DNER: variants seen among roughly 807,000 people sequenced by gnomAD.
DNER encodes the protein delta/notch like EGF repeat containing, also known as delta and Notch-like epidermal growth factor-related receptor.
DNER carries 33 observed loss-of-function variants against 78.2 expected under a neutral mutation model. The ratio of observed to expected loss-of-function variants is 0.42; its 90% confidence interval spans 0.32 to 0.56. The LOEUF is 0.56. Among genes scored for constraint, DNER ranks in the 20% least tolerant of loss-of-function variants. DNER has a pLI of 0.11. For missense variants in DNER, 918 were observed against 975.3 expected (o/e 0.94, Z 0.78); for synonymous variants, 417 against 384.8 (o/e 1.08, Z -0.98).
intron 11 of DNER, among the ~76,000 whole-genome samples, chr2:229,367,824 A>G (rs1386513365): frequency 3.3e-5 from 5 of 152,186 alleles, no homozygotes; most frequent in Admixed American, 6.5e-5. Flanking sequence ...ACTAATTAGC[A>G]TATGCTCTGA....
chr2:229,456,773 G>A (rs1159204368), intron 7 of DNER, among the ~76,000 whole-genome samples: 1 of 151,920 alleles, frequency 6.6e-6, no homozygotes, highest in East Asian at 1.9e-4. Context: ...GATGATGACC[G>A]AGTTTTTCCT....
Position 229,630,454 on chromosome 2 carries a change from C to T in DNER, c.277-38566G>A, listed in dbSNP as rs532019117. 2.2e-4 allele frequency among the ~76,000 whole-genome samples: 33 copies of T among 149,388 alleles called. No homozygotes were observed. In the South Asian group the frequency reaches 4.9e-3, roughly 22 times the overall value. ...TGGTGTCACTGCACCCCAGCCTGGGCGACAGAGTGAGAGACTCCATCTCAA... is the reference window on the plus strand; with the variant it reads ...TGGTGTCACTGCACCCCAGCCTGGGTGACAGAGTGAGAGACTCCATCTCAA... On this transcript the variant is annotated intron_variant, in intron 1 of 12. Transcript: ENST00000341772.
chr2:229,658,130 G>T (rs1574946441), intron 1 of DNER, among the ~76,000 whole-genome samples: 2 of 152,288 alleles, frequency 1.3e-5, no homozygotes, highest in South Asian at 2.1e-4. Flanking sequence ...GGGAGTCGGG[G>T]TCATATTACC....
chr2:229,453,920 TAAAAAAAA>T (rs10602558), intron 7 of DNER, among the ~76,000 whole-genome samples: 1 of 106,864 alleles, frequency 9.4e-6, no homozygotes. Flanking sequence ...TAAAATATAT[TAAAAAAAA>T]AAAAAAAAAA....
rs1478831313 is a variant in DNER, at chr2:229,586,578, G to A, written c.681-554C>T. 13 of 501,252 alleles carry A rather than the reference G, an allele frequency of 2.6e-5. No homozygotes were observed. The African/African-American group carries it at 3.0e-4, about 12-fold the overall frequency. 31.1% of individuals were successfully genotyped at this position (501,252 alleles called of 1,614,324 possible). The stretch of plus-strand genomic sequence containing the variant: ...CACAAAACCACCCCACAGAGAATAG[G>A]ATGTCACAGAAAGCCCATCAACCCC... On this transcript the variant is annotated intron_variant, in intron 3 of 12. Coordinates refer to ENST00000341772, the MANE Select transcript of DNER (RefSeq NM_139072.4).
At chr2:229,628,638 A>C (rs888178) in intron 1 of DNER, among the ~76,000 whole-genome samples, 134,578 of 152,148 alleles carry the variant, frequency 0.88, 59,762 homozygotes, top group East Asian at 0.98. Context: ...TGGTGGAATG[A>C]AGGATGATCC....
At chr2:229,420,773 T>G (rs1049055783) in intron 8 of DNER, among the ~76,000 whole-genome samples, 3 of 151,960 alleles carry the variant, frequency 2.0e-5, no homozygotes, top group African/African-American at 7.3e-5. Flanking sequence ...AAATAACAAG[T>G]GTTGGGGCAG....
chr2:229,667,782 G>C (rs925861678), intron 1 of DNER, among the ~76,000 whole-genome samples: 1 of 152,148 alleles, frequency 6.6e-6, no homozygotes, highest in Non-Finnish European at 1.5e-5. Context: ...TGATTAAAAA[G>C]ATAAAATTTT....
chr2:229,511,638 A>G (rs112790856), intron 6 of DNER, among the ~76,000 whole-genome samples: 232 of 152,332 alleles, frequency 1.5e-3, no homozygotes, highest in African/African-American at 5.4e-3. Flanking sequence ...ATAAACAAGA[A>G]GATTAGGTGG....
At chr2:229,366,704 G>A (rs576440212) in intron 12 of DNER, among the ~76,000 whole-genome samples, 169 bp downstream of exon 12, 1 of 152,174 alleles carries the variant, frequency 6.6e-6, no homozygotes, top group African/African-American at 2.4e-5. Context: ...ATTAAAAGGA[G>A]TTTGCTTATC....
intron 1 of DNER, among the ~76,000 whole-genome samples, chr2:229,594,615 A>AC (rs55836996): frequency 9.7e-4 from 6 of 6,182 alleles, no homozygotes; most frequent in Admixed American, 4.2e-3. Flanking sequence ...AAACAAACAA[A>AC]AAAAAAAACA....
intron 11 of DNER, among the ~76,000 whole-genome samples, chr2:229,375,099 T>A (rs1271907779): frequency 6.6e-6 from 1 of 152,224 alleles, no homozygotes; most frequent in African/African-American, 2.4e-5. Flanking sequence ...TGTGGTCCTA[T>A]AATATTCTGT....
In DNER at chr2:229,387,507, GAGAGAAAGAAAGAAAGAA is replaced by G. The variant is rs1559337858; in HGVS notation, c.1855+740_1855+757del. ...AAAAAGAAAGAAAGAAAGAAAGAAA[GAGAGAAAGAAAGAAAGAA>G]AGAAAGAAAGAAAGAAAGAAAGAAA... On this transcript the variant is annotated intron_variant, in intron 11 of 12. Coordinates refer to ENST00000341772, the MANE Select transcript of DNER (RefSeq NM_139072.4). 3.8e-3 allele frequency among the ~76,000 whole-genome samples: 367 copies of G among 96,394 alleles called. 3 individuals are homozygous for G. The highest frequency in any genetic ancestry group is 0.02 in the Middle Eastern group (4 of 196). 63.2% of individuals were successfully genotyped at this position (96,394 alleles called of 152,430 possible). A position where few individuals can be genotyped will look rare whatever the true frequency, so the allele number is the denominator to read the frequency against.
intron 4 of DNER, among the ~76,000 whole-genome samples, chr2:229,564,385 A>C (rs1460573898): frequency 3.9e-5 from 5 of 128,164 alleles, no homozygotes; most frequent in Admixed American, 1.6e-4. Context: ...CATCATCATC[A>C]CCCCATCACC....
At chr2:229,442,591 A>C (rs1694259046) in intron 8 of DNER, among the ~76,000 whole-genome samples, 1 of 152,200 alleles carries the variant, frequency 6.6e-6, no homozygotes, top group Non-Finnish European at 1.5e-5. Context: ...CACTATACTT[A>C]CTATACTTAT....
At chr2:229,674,297 G>C (rs1028957228) in intron 1 of DNER, among the ~76,000 whole-genome samples, 3 of 152,118 alleles carry the variant, frequency 2.0e-5, no homozygotes, top group Admixed American at 2.0e-4. Context: ...TTTTTGGTGG[G>C]GGATGGAGTC....
intron 5 of DNER, among the ~76,000 whole-genome samples, chr2:229,529,348 C>G (rs1458862485): frequency 6.6e-6 from 1 of 152,178 alleles, no homozygotes; most frequent in Non-Finnish European, 1.5e-5. Context: ...AAGCCCCACC[C>G]TTGATCTCCT....
intron 6 of DNER, among the ~76,000 whole-genome samples, chr2:229,495,625 C>A (rs185823203): frequency 1.3e-5 from 2 of 152,176 alleles, no homozygotes; most frequent in Admixed American, 1.3e-4. Flanking sequence ...GGCCCACCCA[C>A]GTTAGGAAGG....
At chr2:229,564,258 CCAT>C (rs1345377296) in intron 4 of DNER, among the ~76,000 whole-genome samples, 3 of 145,272 alleles carry the variant, frequency 2.1e-5, no homozygotes, top group East Asian at 2.2e-4. Flanking sequence ...GACAGCATCA[CCAT>C]CATCATCATC....
Sources: gnomAD v4.1 joint callset for allele counts (sites outside exome capture counted in the v4.1 genomes callset) on GRCh38, gnomAD v4.1.1 for gene constraint, MANE v1.5 for transcripts, NCBI Gene and HGNC (gene_info 2026-07-23, HGNC 2026-07-21) for gene names.